Variants in XRCC5 observed in about 807,000 individuals in gnomAD.
XRCC5 encodes DNA repair protein Ku80.
XRCC5 carries 12 observed loss-of-function variants against 95.7 expected under a neutral mutation model. The observed-to-expected ratio is 0.13, with a 90% CI of 0.08 to 0.20. The LOEUF (loss-of-function observed/expected upper bound fraction) is 0.20, where lower values mean the gene tolerates loss of function less well. XRCC5 is among the 10% of genes least tolerant of loss of function. The probability of loss-of-function intolerance (pLI) is 1.00; values close to 1 mark genes in which losing one functional copy is unlikely to be tolerated. For synonymous variants in XRCC5, 281 were observed against 290.3 expected (o/e 0.97, Z 0.33); for missense variants, 595 against 873.9 (o/e 0.68, Z 4.02).
rs186725181 is a variant in XRCC5 at position 216,126,870 on chromosome 2, A to G, written c.799-666A>G. Among the ~76,000 whole-genome samples, 194 of 151,516 alleles carry G rather than the reference A, an allele frequency of 1.3e-3. 2 individuals carry two copies. Among genetic ancestry groups the G allele is most frequent in the African/African-American group, 4.6e-3 (189 of 41,334 alleles). On this transcript the variant is annotated intron_variant, in intron 7 of 20. Transcript: ENST00000392132. Reference sequence around the variant, plus strand: ...CTCTTTTATTTTGGCCTGCTTTTCAAATTTCTTTGTTGATTTCTGACACAG... The same window carrying G: ...CTCTTTTATTTTGGCCTGCTTTTCAGATTTCTTTGTTGATTTCTGACACAG...
intron 8 of XRCC5, among the ~76,000 whole-genome samples, chr2:216,129,016 C>T (rs1696937937): frequency 6.6e-6 from 1 of 152,114 alleles, no homozygotes; most frequent in African/African-American, 2.4e-5. Flanking sequence ...TTATGCATAA[C>T]CTTGAAAACA....
intron 12 of XRCC5, among the ~76,000 whole-genome samples, chr2:216,139,905 T>C (rs1410500465): frequency 2.0e-5 from 3 of 152,238 alleles, no homozygotes; most frequent in African/African-American, 7.2e-5. Context: ...ATCTATTTTC[T>C]GTGAGTTAAC....
chr2:216,204,482 C>G (rs1225009213), intron 20 of XRCC5, 86 bp downstream of exon 20: 61 of 1,433,180 alleles, frequency 4.3e-5, no homozygotes, highest in Non-Finnish European at 6.0e-5. Flanking sequence ...TTATCTTACA[C>G]TTGTTGCTTA....
In XRCC5 at chr2:216,122,142, C is replaced by T; in HGVS notation, c.572C>T (p.Ser191Phe). ...GPFRLGGHGP[S>F]FPLKGITEQQ... The stretch of plus-strand genomic sequence containing the variant: ...TTTCGCTTAGGTGGCCATGGGCCTT[C>T]CTTTCCACTAAAAGGAATTACCGAA... The change falls in exon 6 of 21, where the codon TCC (serine) becomes TTC (phenylalanine). Residue 191 changes from serine (S) to phenylalanine (F), a missense_variant. Physicochemically the swap from Ser to Phe is radical, Grantham distance 155. Around this residue, in one of 2 missense-constraint regions of XRCC5, gnomAD observed 286 missense variants for 491.1 expected, o/e 0.58. Coordinates refer to ENST00000392132, the MANE Select transcript of XRCC5 (RefSeq NM_021141.4). 1 of 1,614,122 alleles carries T rather than the reference C, an allele frequency of 6.2e-7. No individual in the cohort carries two copies. The highest frequency in any genetic ancestry group is 1.7e-5 in the Admixed American group (1 of 60,018).
intron 14 of XRCC5, among the ~76,000 whole-genome samples, chr2:216,151,006 T>C (rs1688735226): frequency 6.6e-6 from 1 of 152,224 alleles, no homozygotes; most frequent in Admixed American, 6.5e-5. Context: ...GAGACCACCA[T>C]TGTATATGTG....
intron 17 of XRCC5, among the ~76,000 whole-genome samples, 159 bp downstream of exon 17, chr2:216,190,493 A>G (rs1016333070): frequency 6.6e-6 from 1 of 152,190 alleles, no homozygotes; most frequent in African/African-American, 2.4e-5. Flanking sequence ...ACTTAAATTC[A>G]TGTTACTATC....
intron 10 of XRCC5, among the ~76,000 whole-genome samples, chr2:216,135,865 GT>G: frequency 6.6e-6 from 1 of 152,166 alleles, no homozygotes; most frequent in South Asian, 2.1e-4. Context: ...TTCCAGTGTG[GT>G]TGATTAGGCA....
At chr2:216,173,863 TC>T (rs1216284548) in intron 16 of XRCC5, among the ~76,000 whole-genome samples, 1 of 152,188 alleles carries the variant, frequency 6.6e-6, no homozygotes, top group Non-Finnish European at 1.5e-5. Context: ...CTCTTAGACT[TC>T]CCAGCCTCCA....
chr2:216,191,157 C>T (rs1057512146), intron 17 of XRCC5, among the ~76,000 whole-genome samples: 1 of 152,102 alleles, frequency 6.6e-6, no homozygotes, highest in Non-Finnish European at 1.5e-5. Flanking sequence ...GACAAGACTG[C>T]AGATGATTCA....
rs1174622834 is a variant in XRCC5, at chr2:216,183,834, GT to G, written c.1835-6389del. ...TGACAAATTTCAATGTCATTTTCAG[GT>G]TACTCAAGCTTATGCTTTTTTCCTA... is the stretch of plus-strand genomic sequence containing the variant. On this transcript the variant is annotated intron_variant, in intron 16 of 20. Coordinates refer to ENST00000392132, the MANE Select transcript of XRCC5 (RefSeq NM_021141.4). Among the ~76,000 whole-genome samples the G allele has an allele frequency of 2.6e-5, 4 of 152,238 alleles. No homozygotes were observed. The South Asian group carries it at 8.3e-4, about 32-fold the overall frequency.
chr2:216,202,659 G>A (rs1689856945), intron 19 of XRCC5, among the ~76,000 whole-genome samples: 1 of 152,196 alleles, frequency 6.6e-6, no homozygotes, highest in South Asian at 2.1e-4. Context: ...TCAACAAAGA[G>A]CTATGGAAAG....
At chr2:216,141,358 A>G (rs1697166275) in intron 13 of XRCC5, 39 bp downstream of exon 13, 1 of 1,612,180 alleles carries the variant, frequency 6.2e-7, no homozygotes, top group Non-Finnish European at 8.5e-7. Context: ...TTTCTTTTAA[A>G]TGAAAGAGAG....
chr2:216,157,054 A>C (rs1344475800), intron 14 of XRCC5, among the ~76,000 whole-genome samples: 2 of 152,162 alleles, frequency 1.3e-5, no homozygotes, highest in African/African-American at 4.8e-5. Context: ...TGTGCCCAGC[A>C]ACAAAGCCAC....
At chr2:216,176,043 G>C (rs1290375047) in intron 16 of XRCC5, 3 of 199,548 alleles carry the variant, frequency 1.5e-5, no homozygotes, top group African/African-American at 7.2e-5. Flanking sequence ...TTTAAGACTA[G>C]ACTTGCCTCC....
chr2:216,129,264 C>T (rs532500759), intron 8 of XRCC5, among the ~76,000 whole-genome samples: 19 of 152,144 alleles, frequency 1.2e-4, no homozygotes, highest in African/African-American at 3.1e-4. Flanking sequence ...GTTCAAAGAG[C>T]GTAGAAGTGC....
rs1697098703 is a variant in XRCC5 at position 216,137,232 on chromosome 2, C to T, written c.1251+7C>T. 2 of 1,610,184 alleles carry T rather than the reference C, an allele frequency of 1.2e-6. No individual in the cohort carries two copies. Among genetic ancestry groups the T allele is most frequent in the African/African-American group, 1.3e-5 (1 of 74,708 alleles). On this transcript the variant is annotated splice_region_variant and intron_variant, in intron 11 of 20. Coordinates refer to ENST00000392132, the MANE Select transcript of XRCC5 (RefSeq NM_021141.4). ...TATCAAGCATAACTATGAGGTAAAA[C>T]CCAAAGTCTTAATGTTATTTTTTTT...
At chr2:216,130,802 G>C (rs752103814) in intron 8 of XRCC5, 73 bp from the exon 9 acceptor site, 16 of 948,106 alleles carry the variant, frequency 1.7e-5, no homozygotes, top group South Asian at 1.2e-4. Context: ...GTTAATGTAT[G>C]CATGGAACTA....
At chr2:216,125,879 A>T in intron 6 of XRCC5, 38 bp from the exon 7 acceptor site, 3 of 1,527,306 alleles carry the variant, frequency 2.0e-6, no homozygotes, top group Non-Finnish European at 2.7e-6. Context: ...TTAACATTTA[A>T]AAATTGTTGC....
chr2:216,180,738 T>C (rs1231879378), intron 16 of XRCC5, among the ~76,000 whole-genome samples: 1 of 151,898 alleles, frequency 6.6e-6, no homozygotes, highest in East Asian at 1.9e-4. Flanking sequence ...AGTGATGGCG[T>C]GTCCTGATGT....
Sources: gnomAD v4.1 joint callset for allele counts (sites outside exome capture counted in the v4.1 genomes callset) on GRCh38, gnomAD v4.1.1 for gene constraint, gnomAD v4.1.1 regional missense constraint, MANE v1.5 for transcripts, NCBI Gene and HGNC (gene_info 2026-07-23, HGNC 2026-07-21) for gene names.